LHFPL3: variants seen among roughly 807,000 people sequenced by gnomAD.
LHFPL3 encodes the protein LHFPL tetraspan subfamily member 3 protein.
Under a neutral mutation model 19.3 loss-of-function variants are expected in LHFPL3, and 5 were observed. The observed-to-expected ratio is 0.26, with a 90% CI of 0.14 to 0.54. The LOEUF (loss-of-function observed/expected upper bound fraction) is 0.54, where lower values mean the gene tolerates loss of function less well. Among genes scored for constraint, LHFPL3 ranks in the 20% least tolerant of loss-of-function variants. The pLI, the probability that LHFPL3 is intolerant of heterozygous loss-of-function variation, is 0.94. For missense variants in LHFPL3, 249 were observed against 307.4 expected, an observed-to-expected ratio of 0.81 and a Z score of 1.42; for synonymous variants, 133 against 126.2, an observed-to-expected ratio of 1.05 and a Z score of -0.36.
At chr7:104,853,807 T>G (rs1238038855) in intron 2 of LHFPL3, among the ~76,000 whole-genome samples, 1 of 152,218 alleles carries the variant, frequency 6.6e-6, no homozygotes, top group Admixed American at 6.5e-5. Context: ...AGTTCCACCT[T>G]GACTTGGAGA....
chr7:104,815,100 A>G (rs1343759084), intron 2 of LHFPL3, among the ~76,000 whole-genome samples: 1 of 151,574 alleles, frequency 6.6e-6, no homozygotes, highest in Non-Finnish European at 1.5e-5. Flanking sequence ...CTGCCCCCCA[A>G]CCCCGAGAGC....
intron 1 of LHFPL3, among the ~76,000 whole-genome samples, chr7:104,460,644 C>T (rs1200578197): frequency 6.6e-6 from 1 of 152,010 alleles, no homozygotes; most frequent in Non-Finnish European, 1.5e-5. Flanking sequence ...ACATGTATGT[C>T]TTCTTTTGAA....
At chr7:104,571,780 C>T (rs749574747) in intron 1 of LHFPL3, among the ~76,000 whole-genome samples, 10 of 152,120 alleles carry the variant, frequency 6.6e-5, no homozygotes, top group African/African-American at 2.4e-4. Context: ...AGGGCTAAAC[C>T]TTCTCACTAT....
chr7:104,799,985 C>CTAT (rs1164390517), intron 2 of LHFPL3: 4 of 152,636 alleles, frequency 2.6e-5, no homozygotes, highest in African/African-American at 9.7e-5. Flanking sequence ...CAGGAGTCTT[C>CTAT]TATTTTGTTC....
chr7:104,566,858 A>G (rs1790134377), intron 1 of LHFPL3, among the ~76,000 whole-genome samples: 1 of 152,248 alleles, frequency 6.6e-6, no homozygotes, highest in Admixed American at 6.5e-5. Flanking sequence ...CCCATTTCAA[A>G]TCTAGGTTCA....
chr7:104,450,697 A>G (rs1177491746), intron 1 of LHFPL3, among the ~76,000 whole-genome samples: 1 of 152,170 alleles, frequency 6.6e-6, no homozygotes, highest in African/African-American at 2.4e-5. Context: ...CCTTCTGCAC[A>G]TGTACCCCAG....
At chr7:104,517,991 T>C (rs939548324) in intron 1 of LHFPL3, among the ~76,000 whole-genome samples, 11 of 152,098 alleles carry the variant, frequency 7.2e-5, no homozygotes, top group African/African-American at 2.7e-4. Flanking sequence ...ATTCTGCACA[T>C]GTACCCCAGA....
At chr7:104,638,720 C>T (rs1038586761) in intron 1 of LHFPL3, among the ~76,000 whole-genome samples, 1 of 150,716 alleles carries the variant, frequency 6.6e-6, no homozygotes, top group Non-Finnish European at 1.5e-5. Context: ...TTGAACCAAC[C>T]TTGCATCCCT....
At chr7:104,604,453 C>T (rs969282226) in intron 1 of LHFPL3, among the ~76,000 whole-genome samples, 7 of 152,206 alleles carry the variant, frequency 4.6e-5, no homozygotes, top group African/African-American at 1.4e-4. Flanking sequence ...CTCCCATTGT[C>T]CTGTAGCACC....
intron 1 of LHFPL3, among the ~76,000 whole-genome samples, chr7:104,493,800 C>T (rs1183678898): frequency 6.6e-6 from 1 of 151,894 alleles, no homozygotes; most frequent in Non-Finnish European, 1.5e-5. Flanking sequence ...CTTAACTAAT[C>T]TCCTCTCCTG....
intron 1 of LHFPL3, among the ~76,000 whole-genome samples, chr7:104,566,816 C>G (rs1361867304): frequency 1.3e-5 from 2 of 152,172 alleles, no homozygotes; most frequent in African/African-American, 4.8e-5. Context: ...ATTCAAGCAC[C>G]AAAGGAAAAC....
chr7:104,669,135 C>G, intron 1 of LHFPL3: 1 of 1,613,224 alleles, frequency 6.2e-7, no homozygotes, highest in South Asian at 1.1e-5. Flanking sequence ...CTAAACCTCC[C>G]AAACCTGATC....
Position 104,632,531 on chromosome 7 carries a change from T to A in LHFPL3, c.446-104144T>A, listed in dbSNP as rs1297148767. Among the ~76,000 whole-genome samples the A allele has an allele frequency of 2.0e-5, 3 of 152,254 alleles. No homozygotes were observed. The East Asian group carries it at 5.8e-4, about 29-fold the overall frequency. ...TACATTTTAAAAAGTGAGCAGTGAC[T>A]ATTTTATAAATGTTTCCTGAGAAAC... On this transcript the variant is annotated intron_variant, in intron 1 of 2. Coordinates refer to ENST00000424859, the MANE Select transcript of LHFPL3 (RefSeq NM_199000.3).
At chr7:104,745,611 C>A (rs973968418) in intron 2 of LHFPL3, among the ~76,000 whole-genome samples, 2 of 152,168 alleles carry the variant, frequency 1.3e-5, no homozygotes, top group African/African-American at 4.8e-5. Flanking sequence ...AATTCCCAAT[C>A]CCATCTTCAT....
intron 1 of LHFPL3, among the ~76,000 whole-genome samples, chr7:104,425,678 A>G (rs555532297): frequency 6.6e-6 from 1 of 152,308 alleles, no homozygotes; most frequent in East Asian, 1.9e-4. Flanking sequence ...TTGGTGGTTA[A>G]TTATAATGCT....
chr7:104,505,661 G>A (rs951573488), intron 1 of LHFPL3, among the ~76,000 whole-genome samples: 6 of 152,158 alleles, frequency 3.9e-5, no homozygotes, highest in East Asian at 3.9e-4. Flanking sequence ...TTTATATGTC[G>A]AAAAAAGATA....
At chr7:104,552,763 T>A (rs1162548469) in intron 1 of LHFPL3, among the ~76,000 whole-genome samples, 1 of 152,238 alleles carries the variant, frequency 6.6e-6, no homozygotes, top group Non-Finnish European at 1.5e-5. Context: ...ATTTTTAAGC[T>A]TGCTGATTGT....
At chr7:104,711,402 G>T (rs1793298002) in intron 1 of LHFPL3, among the ~76,000 whole-genome samples, 1 of 152,228 alleles carries the variant, frequency 6.6e-6, no homozygotes, top group Non-Finnish European at 1.5e-5. Context: ...CAAGTAATTA[G>T]TGATACAGAA....
intron 1 of LHFPL3, among the ~76,000 whole-genome samples, chr7:104,507,465 G>A (rs1420915038): frequency 3.7e-5 from 4 of 107,288 alleles, no homozygotes; most frequent in Non-Finnish European, 7.9e-5. Flanking sequence ...ATTCAAGATG[G>A]ATTAAAGACT....
Sources: allele counts gnomAD v4.1 joint callset (sites outside exome capture counted in the v4.1 genomes callset), GRCh38; gene constraint gnomAD v4.1.1; transcripts MANE v1.5; gene names NCBI Gene and HGNC (gene_info 2026-07-23, HGNC 2026-07-21).